The following GRB14 variants were observed in gnomAD, a reference collection of about 807,000 sequenced individuals.
The protein encoded by GRB14 is growth factor receptor-bound protein 14.
A neutral mutation model predicts 69.1 loss-of-function variants in GRB14; 38 were observed. That is an observed-to-expected ratio of 0.55 (90% CI 0.42 to 0.72). GRB14 has a LOEUF of 0.72. Ranked by LOEUF, GRB14 falls within the 30% of genes least tolerant of loss-of-function variation. GRB14 has a pLI of 0.00. For missense variants in GRB14, 666 were observed against 666.1 expected (o/e 1.00, Z 0.00); for synonymous variants, 247 against 241.3 (o/e 1.02, Z -0.22).
chr2:164,511,433 G>A (rs1559027015), intron 6 of GRB14, among the ~76,000 whole-genome samples: 1 of 152,146 alleles, frequency 6.6e-6, no homozygotes, highest in Admixed American at 6.5e-5. Context: ...GCCACAGTAG[G>A]ACAGGGCACC....
chr2:164,567,091 G>A (rs1249762572), intron 2 of GRB14, among the ~76,000 whole-genome samples: 2 of 152,084 alleles, frequency 1.3e-5, no homozygotes, highest in African/African-American at 4.8e-5. Context: ...AGTGAGTCCA[G>A]GAACCTATAT....
At chr2:164,619,869 T>C (rs1424821054) in intron 1 of GRB14, 50 bp from the exon 2 acceptor site, 8 of 1,482,932 alleles carry the variant, frequency 5.4e-6, no homozygotes, top group Admixed American at 1.8e-5. Context: ...GAATGTAAAA[T>C]ATAATTGCTG....
At chr2:164,582,421 ATTATTTTTTT>A (rs1390365689) in intron 2 of GRB14, among the ~76,000 whole-genome samples, 1 of 89,276 alleles carries the variant, frequency 1.1e-5, no homozygotes, top group South Asian at 3.0e-4. Context: ...TTATTTATTT[ATTATTTTTTT>A]TTTTTTTTGA....
intron 2 of GRB14, among the ~76,000 whole-genome samples, chr2:164,574,632 C>A (rs73028060): frequency 0.029 from 4,486 of 152,172 alleles, 203 homozygotes; most frequent in African/African-American, 0.1. Flanking sequence ...AAATATAAGA[C>A]TTTTTTGTAG....
At chr2:164,520,010 A>T (rs981653054) in intron 6 of GRB14, among the ~76,000 whole-genome samples, 1 of 151,982 alleles carries the variant, frequency 6.6e-6, no homozygotes, top group Non-Finnish European at 1.5e-5. Flanking sequence ...CTAGAAAAAA[A>T]AATCCTAAAA....
At chr2:164,560,182 G>C (rs1201280263) in intron 2 of GRB14, among the ~76,000 whole-genome samples, 2 of 152,142 alleles carry the variant, frequency 1.3e-5, no homozygotes. Context: ...TATTTAGGCT[G>C]CTTTAAGCTG....
rs187383714 is a variant in GRB14, at chr2:164,501,128, A to G, written c.1104+1127T>C. On this transcript the variant is annotated intron_variant, in intron 9 of 13. Transcript: ENST00000263915. ...ATGTAAAAACATTCATCTTAACATG[A>G]TTGCTTTTATAAAAATTCACTGTGC... Among the ~76,000 whole-genome samples, 167 of 152,230 alleles carry G rather than the reference A, an allele frequency of 1.1e-3. 3 individuals are homozygous for G. Among genetic ancestry groups the G allele is most frequent in the Admixed American group, 3.4e-3 (52 of 15,272 alleles).
chr2:164,587,946 T>A (rs1689575632), intron 2 of GRB14, among the ~76,000 whole-genome samples: 1 of 152,192 alleles, frequency 6.6e-6, no homozygotes, highest in African/African-American at 2.4e-5. Context: ...GTGTTTGCCA[T>A]GATAATTTCT....
chr2:164,550,499 G>T (rs1367982918), intron 2 of GRB14, among the ~76,000 whole-genome samples: 2 of 152,102 alleles, frequency 1.3e-5, no homozygotes, highest in South Asian at 2.1e-4. Context: ...TAATGACAGT[G>T]CAATGAAATA....
intron 2 of GRB14, chr2:164,574,165 C>A: frequency 1.6e-6 from 1 of 609,966 alleles, no homozygotes; most frequent in South Asian, 2.0e-5. Context: ...AGTTGATGAG[C>A]TGATCTGATC....
At chr2:164,580,709 G>A (rs1279429952) in intron 2 of GRB14, among the ~76,000 whole-genome samples, 55 of 142,676 alleles carry the variant, frequency 3.9e-4, no homozygotes, top group East Asian at 1.3e-3. Context: ...ATCTCAGGAA[G>A]AAAAAAAAAA....
intron 2 of GRB14, among the ~76,000 whole-genome samples, chr2:164,614,782 G>T (rs1690247107): frequency 6.6e-6 from 1 of 152,038 alleles, no homozygotes; most frequent in Non-Finnish European, 1.5e-5. Context: ...TAATGTAGCA[G>T]CCACACAAGA....
chr2:164,502,150 A>AAGAGT lies in GRB14; in HGVS notation c.1104+104_1104+105insACTCT. 3 of 598,680 alleles carry AAGAGT rather than the reference A, an allele frequency of 5.0e-6. No homozygotes were observed. The South Asian group carries it at 7.7e-5, about 15-fold the overall frequency. 37.1% of individuals were successfully genotyped at this position (598,680 alleles called of 1,614,324 possible). A position where few individuals can be genotyped will look rare whatever the true frequency, so the allele number is the denominator to read the frequency against. ...ATGGTGCCAAAGAGTTACTTTACCA[A>AAGAGT]CAGAAAATAACATAAATTATTATAA... On this transcript the variant is annotated intron_variant, in intron 9 of 13. Coordinates refer to ENST00000263915, the MANE Select transcript of GRB14 (RefSeq NM_004490.3).
chr2:164,561,332 T>C (rs947414993), intron 2 of GRB14, among the ~76,000 whole-genome samples: 2 of 152,126 alleles, frequency 1.3e-5, no homozygotes, highest in African/African-American at 4.8e-5. Flanking sequence ...TCAACTAATG[T>C]TAGCAATTAT....
chr2:164,568,604 C>G (rs1689044876), intron 2 of GRB14: 1 of 261,748 alleles, frequency 3.8e-6, no homozygotes, highest in South Asian at 1.2e-4. Context: ...CCGCCTTTGT[C>G]CTTGGAAACA....
intron 2 of GRB14, among the ~76,000 whole-genome samples, chr2:164,617,550 C>T (rs766944739): frequency 3.3e-5 from 5 of 152,042 alleles, no homozygotes; most frequent in Non-Finnish European, 5.9e-5. Context: ...GGCACTTTAC[C>T]CATTCTTTCT....
intron 2 of GRB14, among the ~76,000 whole-genome samples, chr2:164,614,235 C>G (rs1690233396): frequency 6.6e-6 from 1 of 152,188 alleles, no homozygotes; most frequent in Non-Finnish European, 1.5e-5. Context: ...TTGTTTGAAA[C>G]CCTAATAGGA....
chr2:164,598,890 C>A (rs181977857), intron 2 of GRB14, among the ~76,000 whole-genome samples: 127 of 152,310 alleles, frequency 8.3e-4, no homozygotes, highest in Middle Eastern at 6.8e-3. Flanking sequence ...TGTTATGGAT[C>A]TCTTATTATC....
chr2:164,573,419 G>T (rs1559056962), intron 2 of GRB14, among the ~76,000 whole-genome samples: 2 of 152,140 alleles, frequency 1.3e-5, no homozygotes, highest in African/African-American at 2.4e-5. Flanking sequence ...GGAAAATGTA[G>T]ATATTCTTTC....
Sources: allele counts gnomAD v4.1 joint callset (sites outside exome capture counted in the v4.1 genomes callset), GRCh38; gene constraint gnomAD v4.1.1; transcripts MANE v1.5; gene names NCBI Gene and HGNC (gene_info 2026-07-23, HGNC 2026-07-21).